The following OLFM1 variants were observed in gnomAD, a reference collection of about 807,000 sequenced individuals.
The protein encoded by OLFM1 is olfactomedin 1.
OLFM1 carries 9 observed loss-of-function variants against 49.7 expected under a neutral mutation model. The ratio of observed to expected loss-of-function variants is 0.18; its 90% CI spans 0.11 to 0.32. OLFM1 has a LOEUF of 0.32. Among genes scored for constraint, OLFM1 ranks in the 10% least tolerant of loss-of-function variants. OLFM1 has a pLI of 1.00. For synonymous variants in OLFM1, 240 were observed against 271.8 expected, an observed-to-expected ratio of 0.88 and a Z score of 1.15; for missense variants, 369 against 661.8, an observed-to-expected ratio of 0.56 and a Z score of 4.85.
intron 2 of OLFM1, among the ~76,000 whole-genome samples, chr9:135,091,833 TCACA>T (rs199926578): frequency 1.3e-4 from 9 of 71,218 alleles, no homozygotes; most frequent in Non-Finnish European, 2.1e-4. Context: ...ACACTCACAG[TCACA>T]CACACACTCA....
chr9:135,076,610 C>T, intron 1 of OLFM1: 1 of 1,075,486 alleles, frequency 9.3e-7, no homozygotes, highest in Non-Finnish European at 1.3e-6. Context: ...CTCGGAAGAG[C>T]CTGCCAGCCG....
At chr9:135,079,851 C>T (rs566068746) in intron 1 of OLFM1, among the ~76,000 whole-genome samples, 1 of 152,192 alleles carries the variant, frequency 6.6e-6, no homozygotes, top group East Asian at 1.9e-4. Context: ...GAACACAGAA[C>T]AGGCTTGAGT....
chr9:135,084,339 A>G (rs1381631987), upstream of OLFM1, among the ~76,000 whole-genome samples: 1 of 129,644 alleles, frequency 7.7e-6, no homozygotes, highest in Non-Finnish European at 1.6e-5. This position sits in a 1 kb window ranked among gnomAD's most constrained non-coding sequence, Gnocchi z 4.6. Context: ...TCTGTCTCTC[A>G]TCTCTCTCTC....
At chr9:135,111,815 T>C (rs1483882164) in intron 5 of OLFM1, among the ~76,000 whole-genome samples, 1 of 152,162 alleles carries the variant, frequency 6.6e-6, no homozygotes, top group East Asian at 1.9e-4. Flanking sequence ...ATTGAAGCAA[T>C]TCCCAGGCCT....
intron 1 of OLFM1, chr9:135,076,496 G>T (rs908049566): frequency 1.5e-6 from 2 of 1,342,858 alleles, no homozygotes; most frequent in African/African-American, 2.9e-5. Context: ...TCTCTGCTTG[G>T]TATTCTCCAT....
upstream of OLFM1, among the ~76,000 whole-genome samples, chr9:135,084,830 C>A (rs1830577807): frequency 6.6e-6 from 1 of 152,148 alleles, no homozygotes; most frequent in South Asian, 2.1e-4. This position sits in a 1 kb window ranked among gnomAD's most constrained non-coding sequence, Gnocchi z 4.6. Context: ...AGGTTTGCAT[C>A]CTGCGGACCT....
At position 135,088,261 on chromosome 9, in the gene OLFM1, G is replaced by T. The variant is rs541899155; in HGVS notation, c.150+122G>T. The T allele has an allele frequency of 1.8e-4, 176 of 959,330 alleles. 1 individual carries two copies. In the African/African-American group the frequency reaches 2.9e-3, roughly 16 times the overall value. The allele number at this position is 959,330 out of a possible 1,614,324, so 59.4% of individuals were successfully genotyped here. A position where few individuals can be genotyped will look rare whatever the true frequency, so the allele number is the denominator to read the frequency against. ...GACCCGAGTCGCCCAGGGAGGCGGC[G>T]GGGAGCAGGGCGGGCAAGGGCAGGC... On this transcript the variant is annotated intron_variant, in intron 1 of 5. Coordinates refer to ENST00000371793, the MANE Select transcript of OLFM1 (RefSeq NM_001282611.2). The surrounding 1 kb of genome is among the most constrained non-coding windows in gnomAD (Gnocchi z 4.8).
At chr9:135,115,197 C>T (rs1462318562) in intron 5 of OLFM1, among the ~76,000 whole-genome samples, 2 of 152,260 alleles carry the variant, frequency 1.3e-5, no homozygotes, top group Admixed American at 6.5e-5. Context: ...CCGAAATCTT[C>T]AGCCAGGGGT....
At chr9:135,085,505 C>T (rs538237136), upstream of OLFM1, among the ~76,000 whole-genome samples, 5 of 152,378 alleles carry the variant, frequency 3.3e-5, no homozygotes, top group East Asian at 9.6e-4. Flanking sequence ...AATGCCACCA[C>T]ACCATGCACT....
intron 2 of OLFM1, 140 bp downstream of exon 2, chr9:135,090,484 TC>T: frequency 1.2e-6 from 1 of 864,304 alleles, no homozygotes; most frequent in Non-Finnish European, 1.8e-6. Flanking sequence ...CTGGTTTGTC[TC>T]CACTCAAAAT....
chr9:135,116,062 G>C (rs996972510), intron 5 of OLFM1, among the ~76,000 whole-genome samples: 1 of 152,216 alleles, frequency 6.6e-6, no homozygotes, highest in African/African-American at 2.4e-5. Context: ...CGCCTCCCCA[G>C]AGAGGAAGCT....
At position 135,088,022 on chromosome 9, in the gene OLFM1, G is replaced by T. The variant is rs921640589; in HGVS notation, c.33G>T (p.Val11=). The T allele has an allele frequency of 1.1e-5, 16 of 1,459,836 alleles. No individual in the cohort carries two copies. In the African/African-American group the frequency reaches 1.9e-4, roughly 17 times the overall value. 90.4% of individuals were successfully genotyped at this position (1,459,836 alleles called of 1,614,324 possible). MSVPLLKIGV[V]LSTMAMITNW... ...TGCCGCTGCTCAAGATCGGGGTCGT[G>T]CTGAGCACCATGGCCATGATCACTA... Residue 11 remains valine (V), a synonymous_variant, in exon 1 of 6, where the codon GTG becomes GTT. Transcript: ENST00000371793. This position sits in a 1 kb window ranked among gnomAD's most constrained non-coding sequence, Gnocchi z 4.8.
intron 2 of OLFM1, among the ~76,000 whole-genome samples, chr9:135,091,455 ACACT>A (rs1218539730): frequency 2.6e-4 from 39 of 151,134 alleles, no homozygotes; most frequent in East Asian, 1.7e-3. Context: ...AGTCACACAC[ACACT>A]CACACACAGT....
At chr9:135,115,695 GCAGATCACCACTGGC>G (rs1378845931) in intron 5 of OLFM1, among the ~76,000 whole-genome samples, 3 of 152,222 alleles carry the variant, frequency 2.0e-5, no homozygotes, top group Admixed American at 2.0e-4. Flanking sequence ...TGCCCCCAGG[GCAGATCACCACTGGC>G]CAGATTGGTG....
intron 1 of OLFM1, chr9:135,077,208 A>G (rs1830480120): frequency 3.9e-6 from 6 of 1,522,964 alleles, no homozygotes; most frequent in Non-Finnish European, 5.3e-6. Flanking sequence ...AGAAGAGCCA[A>G]CCAGGTCCTG....
Position 135,076,532 on chromosome 9 carries a change from AG to A in OLFM1, c.96+732del, listed in dbSNP as rs2119079266. 2.5e-6 allele frequency: 3 copies of A among 1,219,776 alleles called. No individual in the cohort carries two copies. In the South Asian group the frequency reaches 5.1e-5, roughly 21 times the overall value. The allele number at this position is 1,219,776 out of a possible 1,614,324, so 75.6% of individuals were successfully genotyped here. ...TTTAAAGATGCATATTGGAGCTGGC[AG>A]GTCTTGGGGGAGGAGAAGGGCTGTC... On this transcript the variant is annotated intron_variant, in intron 1 of 5. Transcript: ENST00000252854.
In OLFM1 at chr9:135,098,820, G is replaced by A. The variant is rs913512182; in HGVS notation, c.676+315G>A. Among the ~76,000 whole-genome samples the A allele has an allele frequency of 2.6e-5, 4 of 152,238 alleles. No homozygotes were observed. The highest frequency in any genetic ancestry group is 6.5e-5 in the Admixed American group (1 of 15,272). ...GAATCGTATGTGTGTGTGCATTGAA[G>A]ACACCAGTTTAATAGGGCTGGCAAT... is the stretch of plus-strand genomic sequence containing the variant. On this transcript the variant is annotated intron_variant, in intron 4 of 5. Coordinates refer to ENST00000371793, the MANE Select transcript of OLFM1 (RefSeq NM_001282611.2). This position sits in a 1 kb window ranked among gnomAD's most constrained non-coding sequence, Gnocchi z 5.6.
chr9:135,088,438 G>T lies in OLFM1; in HGVS notation c.150+299G>T, dbSNP rs1203029756. Among the ~76,000 whole-genome samples the T allele has an allele frequency of 6.6e-6, 1 of 152,010 alleles. No homozygotes were observed. The highest frequency in any genetic ancestry group is 2.4e-5 in the African/African-American group (1 of 41,412). On this transcript the variant is annotated intron_variant, in intron 1 of 5. Transcript: ENST00000371793. This position sits in a 1 kb window ranked among gnomAD's most constrained non-coding sequence, Gnocchi z 4.8. ...AGCTTGGTGGGTTCTCGGAGGCTTG[G>T]AGTCCTGGGTCAGTAATCATGAGCC...
intron 5 of OLFM1, among the ~76,000 whole-genome samples, chr9:135,114,926 G>A (rs11787860): frequency 3.6e-4 from 54 of 152,106 alleles, no homozygotes; most frequent in South Asian, 1.5e-3. Context: ...CTTCGCACGC[G>A]GCACAGTGTG....
Sources: allele counts gnomAD v4.1 joint callset (sites outside exome capture counted in the v4.1 genomes callset), GRCh38; gene constraint gnomAD v4.1.1; non-coding constraint Gnocchi (gnomAD v3.1); transcripts MANE v1.5; gene names NCBI Gene and HGNC (gene_info 2026-07-23, HGNC 2026-07-21).